The following GALNT11 variants were observed in gnomAD, a reference collection of about 807,000 sequenced individuals.
GALNT11 encodes the protein UDP-GalNAc:polypeptide N-acetylgalactosaminyltransferase 11.
In GALNT11, 47 loss-of-function variants were observed where a neutral mutation model predicts 72.7. The observed-to-expected ratio is 0.65, with a 90% CI of 0.51 to 0.82. The LOEUF (loss-of-function observed/expected upper bound fraction) is 0.82. Ranked by LOEUF, GALNT11 falls within the 40% of genes least tolerant of loss-of-function variation. The pLI, the probability that GALNT11 is intolerant of heterozygous loss-of-function variation, is 0.00. For synonymous variants in GALNT11, 270 were observed against 286.6 expected (o/e 0.94, Z 0.58); for missense variants, 677 against 778.4 (o/e 0.87, Z 1.55).
chr7:152,114,603 C>G (rs999203196), intron 8 of GALNT11, among the ~76,000 whole-genome samples: 1 of 151,846 alleles, frequency 6.6e-6, no homozygotes, highest in Non-Finnish European at 1.5e-5. Context: ...TCTTGTTGCC[C>G]AGGCTGAAGT....
At chr7:152,067,351 G>C (rs2084368027) in intron 1 of GALNT11, among the ~76,000 whole-genome samples, 1 of 152,168 alleles carries the variant, frequency 6.6e-6, no homozygotes, top group South Asian at 2.1e-4. Context: ...GCCCACCCTT[G>C]AGGGCGAAGT....
chr7:152,120,255 C>CACA (rs754163023), intron 10 of GALNT11: 1 of 154,694 alleles, frequency 6.5e-6, no homozygotes, highest in Non-Finnish European at 1.4e-5. Flanking sequence ...GTGAACACTG[C>CACA]ACACATCCAT....
intron 1 of GALNT11, among the ~76,000 whole-genome samples, chr7:152,093,498 T>C (rs1198976190): frequency 1.3e-5 from 2 of 152,034 alleles, no homozygotes. Flanking sequence ...CAATCTTGGC[T>C]CACCACAACC....
intron 2 of GALNT11, among the ~76,000 whole-genome samples, chr7:152,097,743 A>C (rs763252516): frequency 2.0e-5 from 3 of 152,250 alleles, no homozygotes; most frequent in African/African-American, 7.2e-5. Context: ...GAAAGAAGCC[A>C]CACACAAAAG....
chr7:152,040,139 A>G (rs1024388943), intron 1 of GALNT11, among the ~76,000 whole-genome samples: 2 of 151,700 alleles, frequency 1.3e-5, no homozygotes, highest in South Asian at 2.1e-4. Flanking sequence ...AGCCTGGGGT[A>G]TTATCTGTTT....
intron 9 of GALNT11, chr7:152,117,677 G>A (rs950315409): frequency 5.9e-6 from 2 of 341,350 alleles, no homozygotes; most frequent in Admixed American, 4.6e-5. Flanking sequence ...TGTCAACTTC[G>A]TGTGTCAGAG....
intron 1 of GALNT11, among the ~76,000 whole-genome samples, chr7:152,045,815 C>T (rs1303658802): frequency 6.6e-6 from 1 of 151,330 alleles, no homozygotes; most frequent in Non-Finnish European, 1.5e-5. Flanking sequence ...TGCTTTTCTT[C>T]TAATTTTGGG....
intron 1 of GALNT11, among the ~76,000 whole-genome samples, chr7:152,084,251 C>G (rs1318979649): frequency 6.6e-6 from 1 of 151,280 alleles, no homozygotes; most frequent in Admixed American, 6.6e-5. Context: ...AAAAGTTACT[C>G]TCTTCTAGCT....
chr7:152,113,712 CTTTTTTTTTTTTTTTTTTT>C lies in GALNT11; in HGVS notation c.1233+338_1233+356del, dbSNP rs6150397. Among the ~76,000 whole-genome samples, 932 of 96,874 alleles carry C rather than the reference CTTTTTTTTTTTTTTTTTTT, an allele frequency of 9.6e-3. 12 individuals are homozygous for C. The highest frequency in any genetic ancestry group is 0.035 in the African/African-American group (767 of 21,682). The allele number at this position is 96,874 out of a possible 152,430, so 63.6% of individuals were successfully genotyped here. ...TGTGACGCCTGCAAAAGTTGGCTTT[CTTTTTTTTTTTTTTTTTTT>C]TTTTTTTTTTTTTTTTTTTTTTTGA... On this transcript the variant is annotated intron_variant, in intron 8 of 11. Coordinates refer to ENST00000430044, the MANE Select transcript of GALNT11 (RefSeq NM_022087.4).
intron 1 of GALNT11, among the ~76,000 whole-genome samples, chr7:152,033,824 C>T (rs1366807166): frequency 6.6e-6 from 1 of 152,216 alleles, no homozygotes. Flanking sequence ...TCCCTTTCTT[C>T]AGCTGTCATT....
In GALNT11 at chr7:152,094,263, G is replaced by A. The variant is rs1352265300; in HGVS notation, c.36G>A (p.Gly12=). Residue 12 remains glycine, a synonymous_variant, in exon 2 of 12, where the codon GGG becomes GGA. Transcript: ENST00000430044. This position sits in a 1 kb window ranked among gnomAD's most constrained non-coding sequence, Gnocchi z 4.3. The stretch of plus-strand genomic sequence containing the variant: ...TCACAGTTCGGTATTTCTGTTATGG[G>A]TGCCTTTTTACATCTGCGACCTGGA... ...GSVTVRYFCY[G]CLFTSATWTV... is the part of the protein sequence containing the mutation. 6.2e-7 allele frequency: 1 copy of A among 1,611,564 alleles called. No individual in the cohort carries two copies. The highest frequency in any genetic ancestry group is 2.2e-5 in the East Asian group (1 of 44,850).
At chr7:152,067,039 C>A (rs115792184) in intron 1 of GALNT11, among the ~76,000 whole-genome samples, 1,786 of 152,234 alleles carry the variant, frequency 0.012, 36 homozygotes, top group African/African-American at 0.041. Flanking sequence ...CAAACAAAAA[C>A]CACAACGTCA....
intron 1 of GALNT11, among the ~76,000 whole-genome samples, chr7:152,084,855 A>G (rs556321911): frequency 2.4e-4 from 37 of 152,314 alleles, no homozygotes; most frequent in Non-Finnish European, 4.9e-4. Context: ...TATGGTAAGT[A>G]TAGCAGTGCT....
At chr7:152,116,959 C>T (rs758080477) in intron 8 of GALNT11, 198 bp from the exon 9 acceptor site, 13 of 686,366 alleles carry the variant, frequency 1.9e-5, no homozygotes, top group South Asian at 9.0e-5. Flanking sequence ...TTAAGAACAT[C>T]GATGACTGAG....
At chr7:152,038,228 C>T (rs28887249) in intron 1 of GALNT11, among the ~76,000 whole-genome samples, 21,797 of 152,094 alleles carry the variant, frequency 0.14, 3,690 homozygotes, top group African/African-American at 0.4. Flanking sequence ...AAATCAGGGG[C>T]CTCACAGCCT....
chr7:152,120,684 C>T (rs1213447843), intron 10 of GALNT11, 147 bp from the exon 11 acceptor site: 3 of 689,902 alleles, frequency 4.3e-6, no homozygotes, highest in African/African-American at 1.8e-5. Flanking sequence ...TGGAATGAAC[C>T]AAGTTGAAAT....
chr7:152,102,261 C>T lies in GALNT11; in HGVS notation c.420-851C>T, dbSNP rs117751284. Among the ~76,000 whole-genome samples, 1,361 of 152,084 alleles carry T rather than the reference C, an allele frequency of 8.9e-3. 17 individuals are homozygous for T. Among genetic ancestry groups the T allele is most frequent in the Non-Finnish European group, 0.01 (697 of 67,972 alleles). ...CCCTGAAGTTTAAAAAGTCTTTATT[C>T]GGCTGGACATGGTGGCTCACACCTG... On this transcript the variant is annotated intron_variant, in intron 3 of 11. Coordinates refer to ENST00000430044, the MANE Select transcript of GALNT11 (RefSeq NM_022087.4).
intron 1 of GALNT11, among the ~76,000 whole-genome samples, chr7:152,092,842 C>G (rs7796224): frequency 0.029 from 4,405 of 152,256 alleles, 202 homozygotes; most frequent in African/African-American, 0.1. Flanking sequence ...TGCCATAAGT[C>G]TGTTTACTGA....
At chr7:152,081,292 G>A (rs1239877733) in intron 1 of GALNT11, among the ~76,000 whole-genome samples, 1 of 152,128 alleles carries the variant, frequency 6.6e-6, no homozygotes, top group East Asian at 1.9e-4. Flanking sequence ...TGTGGACTAT[G>A]ACCTCTGTTA....
Sources: allele counts gnomAD v4.1 joint callset (sites outside exome capture counted in the v4.1 genomes callset), GRCh38; gene constraint gnomAD v4.1.1; non-coding constraint Gnocchi (gnomAD v3.1); transcripts MANE v1.5; gene names NCBI Gene and HGNC (gene_info 2026-07-23, HGNC 2026-07-21).